LHX8: variants seen among roughly 807,000 people sequenced by gnomAD.
The protein encoded by LHX8 is LIM/homeobox protein Lhx8.
Under a neutral mutation model 40.3 loss-of-function variants are expected in LHX8, and 12 were observed. The ratio of observed to expected loss-of-function variants is 0.30; its 90% CI spans 0.19 to 0.48. The LOEUF is 0.48. LHX8 is among the 20% of genes least tolerant of loss of function. LHX8 has a pLI of 0.99. For missense variants in LHX8, 344 were observed against 433.7 expected, an observed-to-expected ratio of 0.79 and a Z score of 1.84; for synonymous variants, 179 against 162.0, an observed-to-expected ratio of 1.10 and a Z score of -0.80.
At chr1:75,165,580 A>G (rs1024081743), downstream of LHX8, among the ~76,000 whole-genome samples, 4 of 152,142 alleles carry the variant, frequency 2.6e-5, no homozygotes, top group African/African-American at 9.7e-5. Flanking sequence ...GGGGGTATCA[A>G]TGGAGGAAAA....
At position 75,137,295 on chromosome 1, in the gene LHX8, G is replaced by GA. The variant is rs757810536; in HGVS notation, c.237+35dup. 2.0e-5 allele frequency: 32 copies of GA among 1,603,860 alleles called. No individual in the cohort carries two copies. In the South Asian group the frequency reaches 3.5e-4, roughly 18 times the overall value. ...GGGCCTCGGGTGCGAGGCCCAAGGG[G>GA]AGCGGGCTTAGCGTGGGAGCTCTGG... On this transcript the variant is annotated intron_variant, in intron 3 of 8. Coordinates refer to ENST00000356261, the MANE Select transcript of LHX8 (RefSeq NM_001256114.2).
chr1:75,142,472 ACT>A (rs557236717), intron 4 of LHX8, among the ~76,000 whole-genome samples: 48 of 152,086 alleles, frequency 3.2e-4, no homozygotes, highest in Non-Finnish European at 6.3e-4. Context: ...TCCAGTTAGG[ACT>A]CTGAAAATTT....
chr1:75,159,681 C>T (rs1038196975), intron 8 of LHX8: 4 of 151,978 alleles, frequency 2.6e-5, no homozygotes, highest in African/African-American at 9.7e-5. Flanking sequence ...TCTTAATTTT[C>T]CTCTTTATTT....
intron 3 of LHX8, among the ~76,000 whole-genome samples, chr1:75,138,907 G>A (rs937541657): frequency 1.3e-5 from 2 of 152,058 alleles, no homozygotes; most frequent in South Asian, 2.1e-4. Flanking sequence ...CAGTATTATT[G>A]TACCACTTCT....
Position 75,134,757 on chromosome 1 carries a change from G to A in LHX8, c.-210G>A, listed in dbSNP as rs1321393907. ...GAATCGCAGTGTCCTTGAAACTCGAGTTGTTTGGGCTCCTAAACAAGGTTC... is the reference window on the plus strand; with the variant it reads ...GAATCGCAGTGTCCTTGAAACTCGAATTGTTTGGGCTCCTAAACAAGGTTC... On this transcript the variant is annotated 5_prime_UTR_variant, in exon 1 of 9. Transcript: ENST00000356261. 1.1e-5 allele frequency: 2 copies of A among 186,914 alleles called. No individual in the cohort carries two copies. Among genetic ancestry groups the A allele is most frequent in the Admixed American group, 1.3e-4 (2 of 15,320 alleles). 11.6% of individuals were successfully genotyped at this position (186,914 alleles called of 1,614,324 possible).
rs5775273 is a variant in LHX8, at chr1:75,134,821, A to AT, written c.-134dup. The AT allele has an allele frequency of 0.022, 14,213 of 643,318 alleles. 57 individuals are homozygous for AT. Among genetic ancestry groups the AT allele is most frequent in the African/African-American group, 0.042 (2,146 of 50,652 alleles). The allele number at this position is 643,318 out of a possible 1,614,324, so 39.9% of individuals were successfully genotyped here. ...AACGGCCTCATCTTCAGACCTGGCA[A>AT]TTTTTTTTTTTTATTACGTAGTAGC... On this transcript the variant is annotated 5_prime_UTR_variant, in exon 1 of 9. Coordinates refer to ENST00000356261, the MANE Select transcript of LHX8 (RefSeq NM_001256114.2).
intron 6 of LHX8, among the ~76,000 whole-genome samples, chr1:75,144,329 T>C (rs1378636103): frequency 6.6e-6 from 1 of 152,160 alleles, no homozygotes; most frequent in Non-Finnish European, 1.5e-5. Flanking sequence ...ACATGTCCCA[T>C]GTGAGTCTAT....
intron 1 of LHX8, among the ~76,000 whole-genome samples, 200 bp downstream of exon 1, chr1:75,135,154 G>A (rs1215848206): frequency 6.6e-6 from 1 of 152,208 alleles, no homozygotes; most frequent in East Asian, 1.9e-4. Flanking sequence ...CTTGCCGGGA[G>A]AGCCATTTTA....
the LHX8 span, among the ~76,000 whole-genome samples, chr1:75,192,360 A>G: frequency 6.6e-6 from 1 of 152,188 alleles, no homozygotes; most frequent in South Asian, 2.1e-4. Flanking sequence ...TAAGACTACC[A>G]TTGATTCTTT....
intron 7 of LHX8, among the ~76,000 whole-genome samples, chr1:75,155,370 G>A (rs916414836): frequency 6.6e-6 from 1 of 151,754 alleles, no homozygotes; most frequent in African/African-American, 2.4e-5. Flanking sequence ...AAGTAGCTGG[G>A]ACTACAGGCA....
intron 6 of LHX8, 131 bp from the exon 7 acceptor site, chr1:75,148,456 C>G: frequency 4.2e-6 from 3 of 710,788 alleles, no homozygotes; most frequent in Non-Finnish European, 5.2e-6. Context: ...CCATATTTCC[C>G]CATACCGATT....
chr1:75,148,654 G>A lies in LHX8; in HGVS notation c.752G>A (p.Arg251Lys). Residue 251 changes from arginine to lysine, a missense_variant, in exon 7 of 9, where the codon AGG (arginine) becomes AAG (lysine). Transcript: ENST00000356261. ...DAQTLQKLAERTGLSRRVIQV... is the reference protein window; with the variant it reads ...DAQTLQKLAEKTGLSRRVIQV... ...CAGACACTCCAGAAATTGGCAGAAA[G>A]GACAGGCTTGAGCAGACGTGTGATA... 6.2e-7 allele frequency: 1 copy of A among 1,613,166 alleles called. No homozygotes were observed. The highest frequency in any genetic ancestry group is 8.5e-7 in the Non-Finnish European group (1 of 1,179,692).
intron 5 of LHX8, 86 bp downstream of exon 5, chr1:75,143,424 A>G: frequency 1.1e-6 from 1 of 913,792 alleles, no homozygotes; most frequent in East Asian, 2.6e-5. Context: ...ATCTTAATGC[A>G]TTATTTTGTA....
the LHX8 span, among the ~76,000 whole-genome samples, chr1:75,178,011 C>G: frequency 2.0e-5 from 3 of 152,156 alleles, no homozygotes; most frequent in African/African-American, 7.2e-5. Context: ...AGCCTTGCAT[C>G]CCAGGGATGA....
chr1:75,199,017 TTTG>T, the LHX8 span, among the ~76,000 whole-genome samples: 1 of 152,202 alleles, frequency 6.6e-6, no homozygotes, highest in Non-Finnish European at 1.5e-5. Flanking sequence ...ATCATTCTTT[TTTG>T]TTTGTTTAGG....
At position 75,143,714 on chromosome 1, in the gene LHX8, C is replaced by T. The variant is rs1214634825; in HGVS notation, c.581-131C>T. The stretch of plus-strand genomic sequence containing the variant: ...AGTATATCTGTAGTATGTTTTAAAA[C>T]TTAAGGGGTTTTGCCGTCTAGAAAA... On this transcript the variant is annotated intron_variant, in intron 5 of 8. Coordinates refer to ENST00000356261, the MANE Select transcript of LHX8 (RefSeq NM_001256114.2). 6 of 726,218 alleles carry T rather than the reference C, an allele frequency of 8.3e-6. No homozygotes were observed. The East Asian group carries it at 1.1e-4, about 13-fold the overall frequency. 45.0% of individuals were successfully genotyped at this position (726,218 alleles called of 1,614,324 possible). A position where few individuals can be genotyped will look rare whatever the true frequency, so the allele number is the denominator to read the frequency against.
At position 75,134,891 on chromosome 1, in the gene LHX8, C is replaced by T; in HGVS notation, c.-76C>T. 1 of 985,054 alleles carries T rather than the reference C, an allele frequency of 1.0e-6. No individual in the cohort carries two copies. Among genetic ancestry groups the T allele is most frequent in the African/African-American group, 1.7e-5 (1 of 57,286 alleles). 61.0% of individuals were successfully genotyped at this position (985,054 alleles called of 1,614,324 possible). ...ACTCCCTCCCCAAAAGCTCACTTAA[C>T]CTGAGACATGGAGACTGTAATTTGG... is the stretch of plus-strand genomic sequence containing the variant. On this transcript the variant is annotated 5_prime_UTR_variant, in exon 1 of 9. Transcript: ENST00000356261.
chr1:75,142,935 TC>T (rs1375445699), intron 4 of LHX8, among the ~76,000 whole-genome samples, 182 bp from the exon 5 acceptor site: 3 of 152,170 alleles, frequency 2.0e-5, no homozygotes, highest in African/African-American at 7.2e-5. Flanking sequence ...TGTGACCCTA[TC>T]TCATCTTGAT....
the LHX8 span, among the ~76,000 whole-genome samples, chr1:75,173,374 C>CTT: frequency 1.4e-3 from 132 of 96,464 alleles, 3 homozygotes; most frequent in Non-Finnish European, 1.7e-3. Context: ...GATATATACT[C>CTT]TTTTTTTTTT....
Sources: gnomAD v4.1 joint callset for allele counts (sites outside exome capture counted in the v4.1 genomes callset) on GRCh38, gnomAD v4.1.1 for gene constraint, MANE v1.5 for transcripts, NCBI Gene and HGNC (gene_info 2026-07-23, HGNC 2026-07-21) for gene names.